The following OTULINL variants were observed in gnomAD, a reference collection of about 807,000 sequenced individuals.
The protein encoded by OTULINL is inactive ubiquitin thioesterase OTULINL.
OTULINL carries 42 observed loss-of-function variants against 43.9 expected under a neutral mutation model. The ratio of observed to expected loss-of-function variants is 0.96; its 90% CI spans 0.75 to 1.24. The LOEUF (loss-of-function observed/expected upper bound fraction) is 1.24, where lower values mean the gene tolerates loss of function less well. OTULINL is among the 50% of genes most tolerant of loss of function. OTULINL has a pLI of 0.00. For synonymous variants in OTULINL, 172 were observed against 153.6 expected, an observed-to-expected ratio of 1.12 and a Z score of -0.88; for missense variants, 411 against 426.4, an observed-to-expected ratio of 0.96 and a Z score of 0.32.
chr5:14,588,304 T>G (rs980400526), intron 1 of OTULINL, among the ~76,000 whole-genome samples: 2 of 152,140 alleles, frequency 1.3e-5, no homozygotes, highest in African/African-American at 4.8e-5. Context: ...CTGGCTTCCT[T>G]ATGTTTGCTC....
chr5:14,590,966 G>A (rs147742189), intron 1 of OTULINL, among the ~76,000 whole-genome samples: 4 of 152,234 alleles, frequency 2.6e-5, no homozygotes, highest in Non-Finnish European at 5.9e-5. Context: ...TACATCCATC[G>A]AATGTTTAAA....
chr5:14,614,500 C>T lies in OTULINL; in HGVS notation c.*4186C>T. ...GAATAGTGGATCTTTGCTTAATTCA[C>T]TTCTGTTTTAATCCCATCATATTCC... On this transcript the variant is annotated 3_prime_UTR_variant, in exon 8 of 8. Transcript: ENST00000274217. 1 of 397,924 alleles carries T rather than the reference C, an allele frequency of 2.5e-6. No individual in the cohort carries two copies. The highest frequency in any genetic ancestry group is 4.4e-6 in the Non-Finnish European group (1 of 226,000). 24.6% of individuals were successfully genotyped at this position (397,924 alleles called of 1,614,324 possible). A position where few individuals can be genotyped will look rare whatever the true frequency, so the allele number is the denominator to read the frequency against.
intron 5 of OTULINL, among the ~76,000 whole-genome samples, chr5:14,606,620 C>T (rs1759482550): frequency 6.6e-6 from 1 of 152,116 alleles, no homozygotes; most frequent in African/African-American, 2.4e-5. Flanking sequence ...GTAATCCATG[C>T]CGGTTAAGTA....
rs991510214 is a variant in OTULINL, at chr5:14,613,123, C to T, written c.*2809C>T. On this transcript the variant is annotated 3_prime_UTR_variant, in exon 8 of 8. Coordinates refer to ENST00000274217, the MANE Select transcript of OTULINL (RefSeq NM_019018.3). The stretch of plus-strand genomic sequence containing the variant: ...GTTTTTAGTAGAAACGGGGTTTCAC[C>T]ATTTAGCCAGGCTGATCTGAACTCC... 6.6e-6 allele frequency among the ~76,000 whole-genome samples: 1 copy of T among 152,148 alleles called. No homozygotes were observed. The highest frequency in any genetic ancestry group is 2.4e-5 in the African/African-American group (1 of 41,426).
intron 1 of OTULINL, among the ~76,000 whole-genome samples, chr5:14,596,110 C>A (rs995962846): frequency 6.6e-6 from 1 of 152,202 alleles, no homozygotes; most frequent in Non-Finnish European, 1.5e-5. Context: ...ACCTGAGGCT[C>A]CTACTGTCCT....
chr5:14,602,375 A>G (rs745802748), intron 5 of OTULINL, 43 bp downstream of exon 5: 2 of 1,570,010 alleles, frequency 1.3e-6, no homozygotes, highest in South Asian at 1.1e-5. Flanking sequence ...CATGTTGACA[A>G]TAACTGCAAC....
intron 1 of OTULINL, among the ~76,000 whole-genome samples, chr5:14,591,960 A>G (rs1759211522): frequency 1.3e-5 from 2 of 152,226 alleles, no homozygotes; most frequent in Non-Finnish European, 2.9e-5. Context: ...ATAAATTTCA[A>G]TGTCCATACA....
chr5:14,601,291 G>T (rs1455460780), intron 3 of OTULINL, 47 bp downstream of exon 3: 19 of 1,609,948 alleles, frequency 1.2e-5, no homozygotes, highest in Non-Finnish European at 1.6e-5. Context: ...GGTGCAGAGA[G>T]GGTTCAAGAA....
rs1463009991 is a variant in OTULINL, at chr5:14,609,908, G to A, written c.898-233G>A. Among the ~76,000 whole-genome samples the A allele has an allele frequency of 2.6e-5, 4 of 152,144 alleles. 1 individual carries two copies. Among genetic ancestry groups the A allele is most frequent in the South Asian group, 4.1e-4 (2 of 4,832 alleles). ...GCTGGGATTACAGGCGTGAGCCACC[G>A]CGCCTGGCCGTGATTTTTACATGCT... On this transcript the variant is annotated intron_variant, in intron 7 of 7. Coordinates refer to ENST00000274217, the MANE Select transcript of OTULINL (RefSeq NM_019018.3).
At chr5:14,594,645 G>A (rs1164127466) in intron 1 of OTULINL, among the ~76,000 whole-genome samples, 1 of 152,186 alleles carries the variant, frequency 6.6e-6, no homozygotes, top group Non-Finnish European at 1.5e-5. Context: ...TCTGGGGAAG[G>A]GAGCGGGCAG....
rs1759662770 is a variant in OTULINL at position 14,615,706 on chromosome 5, T to C, written c.*5392T>C. 6.6e-6 allele frequency among the ~76,000 whole-genome samples: 1 copy of C among 152,240 alleles called. No homozygotes were observed. The highest frequency in any genetic ancestry group is 2.4e-5 in the African/African-American group (1 of 41,470). ...AAGGAAGACTCAGCCCCAGAGTATA[T>C]TTGATCTATTGGTTAACTCATCTGT... On this transcript the variant is annotated 3_prime_UTR_variant, in exon 8 of 8. Coordinates refer to ENST00000274217, the MANE Select transcript of OTULINL (RefSeq NM_019018.3).
intron 1 of OTULINL, among the ~76,000 whole-genome samples, chr5:14,595,580 T>C (rs1202577115): frequency 1.4e-5 from 2 of 148,020 alleles, no homozygotes; most frequent in Non-Finnish European, 3.0e-5. Context: ...TCAGCTTTGG[T>C]ATATTGTAGA....
At chr5:14,610,068 C>A in intron 7 of OTULINL, 73 bp from the exon 8 acceptor site, 1 of 1,332,696 alleles carries the variant, frequency 7.5e-7, no homozygotes, top group Non-Finnish European at 1.1e-6. Context: ...CAGAGGAACA[C>A]TTCCCCCCAC....
At position 14,615,447 on chromosome 5, in the gene OTULINL, C is replaced by T. The variant is rs1759658131; in HGVS notation, c.*5133C>T. 6.6e-6 allele frequency among the ~76,000 whole-genome samples: 1 copy of T among 152,098 alleles called. No individual in the cohort carries two copies. Among genetic ancestry groups the T allele is most frequent in the Non-Finnish European group, 1.5e-5 (1 of 68,038 alleles). ...GCAAGGTGAGGAGAAGCAGCTGGTA[C>T]AGACTGATGACGAAGGAGAGGACCA... On this transcript the variant is annotated 3_prime_UTR_variant, in exon 8 of 8. Transcript: ENST00000274217.
intron 6 of OTULINL, 146 bp from the exon 7 acceptor site, chr5:14,608,602 C>A: frequency 1.5e-6 from 1 of 668,398 alleles, no homozygotes; most frequent in Non-Finnish European, 2.4e-6. Flanking sequence ...AAAAATCAAA[C>A]AGTGCCGAAA....
At chr5:14,589,520 C>T (rs1435999478) in intron 1 of OTULINL, among the ~76,000 whole-genome samples, 1 of 152,118 alleles carries the variant, frequency 6.6e-6, no homozygotes, top group East Asian at 1.9e-4. Context: ...CCAACTGTCC[C>T]AGCTTGCCTG....
intron 1 of OTULINL, among the ~76,000 whole-genome samples, chr5:14,591,832 C>G (rs1034415422): frequency 1.3e-5 from 2 of 152,314 alleles, no homozygotes; most frequent in East Asian, 1.9e-4. Context: ...TGGGTCATAT[C>G]TGGCCTGCTG....
chr5:14,604,767 T>C (rs1759444201), intron 5 of OTULINL, among the ~76,000 whole-genome samples: 1 of 152,220 alleles, frequency 6.6e-6, no homozygotes, highest in East Asian at 1.9e-4. Flanking sequence ...AATGATCTCC[T>C]TCGATTCTGT....
chr5:14,602,379 C>G (rs1759404021), intron 5 of OTULINL, 47 bp downstream of exon 5: 1 of 1,548,848 alleles, frequency 6.5e-7, no homozygotes, highest in African/African-American at 1.4e-5. Context: ...TTGACAATAA[C>G]TGCAACTCAG....
Sources: allele counts gnomAD v4.1 joint callset (sites outside exome capture counted in the v4.1 genomes callset), GRCh38; gene constraint gnomAD v4.1.1; transcripts MANE v1.5; gene names NCBI Gene and HGNC (gene_info 2026-07-23, HGNC 2026-07-21).